Variants in ZNF668 observed in about 807,000 individuals in gnomAD.
ZNF668 encodes zinc finger protein 668.
ZNF668 carries 10 observed loss-of-function variants against 40.3 expected under a neutral mutation model. That is an observed-to-expected ratio of 0.25 (90% CI 0.15 to 0.42). The LOEUF (loss-of-function observed/expected upper bound fraction) is 0.42, where lower values mean the gene tolerates loss of function less well. ZNF668 is among the 10% of genes least tolerant of loss of function. The probability of loss-of-function intolerance (pLI) is 1.00; values close to 1 mark genes in which losing one functional copy is unlikely to be tolerated. For missense variants in ZNF668, 749 were observed against 904.6 expected, an observed-to-expected ratio of 0.83 and a Z score of 2.21; for synonymous variants, 428 against 384.6, an observed-to-expected ratio of 1.11 and a Z score of -1.32.
chr16:31,062,756 T>TC (rs1449476472), intron 2 of ZNF668: 18 of 71,006 alleles, frequency 2.5e-4, no homozygotes, highest in African/African-American at 1.0e-3. Context: ...AGAGCGAGAC[T>TC]CCGTCTCAAA....
chr16:31,068,220 T>TTAAAAAAAA (rs1555498568), intron 1 of ZNF668, among the ~76,000 whole-genome samples: 6 of 9,380 alleles, frequency 6.4e-4, no homozygotes, highest in African/African-American at 1.7e-3. Context: ...ATCCCACCAT[T>TTAAAAAAAA]AAAAAAAAAA....
chr16:31,063,713 T>C, intron 2 of ZNF668, 100 bp downstream of exon 2: 9 of 1,314,700 alleles, frequency 6.8e-6, no homozygotes, highest in Non-Finnish European at 9.1e-6. Flanking sequence ...CACCTTCCCA[T>C]TGGCTCACTT....
rs757530776 is a variant in ZNF668 at position 31,061,917 on chromosome 16, C to T, written c.1011G>A (p.Lys337=). The change falls in exon 3 of 3, where the codon AAG becomes AAA. Residue 337 remains lysine (K), a synonymous_variant. Transcript: ENST00000300849. This position sits in a 1 kb window ranked among gnomAD's most constrained non-coding sequence, Gnocchi z 7.7. ...RRVHTGDRPF[K]CLQCDKTFVA... ...CGAACGTCTTGTCACATTGCAGGCACTTGAACGGCCGGTCGCCTGTGTGCA... is the reference window on the plus strand; with the variant it reads ...CGAACGTCTTGTCACATTGCAGGCATTTGAACGGCCGGTCGCCTGTGTGCA... 3 of 1,613,436 alleles carry T rather than the reference C, an allele frequency of 1.9e-6. No homozygotes were observed. In the East Asian group the frequency reaches 6.7e-5, roughly 36 times the overall value.
At position 31,062,265 on chromosome 16, in the gene ZNF668, C is replaced by G; in HGVS notation, c.663G>C (p.Glu221Asp). Residue 221 changes from glutamate (E) to aspartate (D), a missense_variant, in exon 3 of 3, where the codon GAG becomes GAC. Physicochemically the swap from Glu to Asp is conservative, Grantham distance 45. This residue lies in a region of ZNF668 where 129 missense variants were observed against 231.2 expected (regional missense o/e 0.56). Coordinates refer to ENST00000300849, the MANE Select transcript of ZNF668 (RefSeq NM_024706.5). Reference protein sequence around the residue: ...LRNHERSHTGERPFLCSECGK... With the variant: ...LRNHERSHTGDRPFLCSECGK... ...CGCACTCGGAGCAGAGGAAGGGGCG[C>G]TCGCCGGTGTGGGACCTGCGGGGGT... The G allele has an allele frequency of 1.1e-5, 17 of 1,604,466 alleles. No individual in the cohort carries two copies. The highest frequency in any genetic ancestry group is 1.4e-5 in the Non-Finnish European group (16 of 1,175,366).
Position 31,061,789 on chromosome 16 carries a change from G to C in ZNF668, c.1139C>G (p.Thr380Arg). Residue 380 changes from threonine (T) to arginine (R), a missense_variant, in exon 3 of 3, where the codon ACG (threonine) becomes AGG (arginine). By Grantham distance (71) the Thr-to-Arg change is moderately conservative. Around this residue, in one of 4 missense-constraint regions of ZNF668, gnomAD observed 310 missense variants for 355.1 expected, o/e 0.87. Coordinates refer to ENST00000300849, the MANE Select transcript of ZNF668 (RefSeq NM_024706.5). This position sits in a 1 kb window ranked among gnomAD's most constrained non-coding sequence, Gnocchi z 7.7. ...CCCCGAGTGCACCCGGCTATGCTTC[G>C]TGAGGCTGGCACGCTCGGCGAAGGC... ...GRAFAERASL[T>R]KHSRVHSGER... The C allele has an allele frequency of 1.2e-6, 2 of 1,611,646 alleles. No individual in the cohort carries two copies. The highest frequency in any genetic ancestry group is 1.7e-6 in the Non-Finnish European group (2 of 1,179,574).
In ZNF668 at chr16:31,061,860, C is replaced by A; in HGVS notation, c.1068G>T (p.Leu356=). 1 of 1,612,828 alleles carries A rather than the reference C, an allele frequency of 6.2e-7. No homozygotes were observed. The highest frequency in any genetic ancestry group is 1.1e-5 in the South Asian group (1 of 91,020). ...GGAAGGGCCGCTGGCCAGAGTGCACCAGCGCGTGCCGCTTGAGGTCCCAGG... is the reference window on the plus strand; with the variant it reads ...GGAAGGGCCGCTGGCCAGAGTGCACAAGCGCGTGCCGCTTGAGGTCCCAGG... ...VASWDLKRHA[L]VHSGQRPFRC... The change falls in exon 3 of 3, where the codon CTG becomes CTT. Residue 356 remains leucine, a synonymous_variant. Coordinates refer to ENST00000300849, the MANE Select transcript of ZNF668 (RefSeq NM_024706.5). This position sits in a 1 kb window ranked among gnomAD's most constrained non-coding sequence, Gnocchi z 7.7.
Position 31,061,319 on chromosome 16 carries a change from A to C in ZNF668, c.1609T>G (p.Ser537Ala). 6.3e-7 allele frequency: 1 copy of C among 1,591,120 alleles called. No homozygotes were observed. The highest frequency in any genetic ancestry group is 8.6e-7 in the Non-Finnish European group (1 of 1,167,328). The change falls in exon 3 of 3, where the codon TCA becomes GCA. Residue 537 changes from serine to alanine, a missense_variant. Physicochemically the swap from Ser to Ala is moderately conservative, Grantham distance 99. Coordinates refer to ENST00000300849, the MANE Select transcript of ZNF668 (RefSeq NM_024706.5). This position sits in a 1 kb window ranked among gnomAD's most constrained non-coding sequence, Gnocchi z 7.7. ...TMTLLRRHER[S>A]HPELRPFPCT... Reference sequence around the variant, plus strand: ...GGGAAGGGCCGGAGCTCCGGGTGTGAGCGCTCGTGCCGACGCAGCAGCGTC... The same window carrying C: ...GGGAAGGGCCGGAGCTCCGGGTGTGCGCGCTCGTGCCGACGCAGCAGCGTC...
Position 31,064,174 on chromosome 16 carries a change from C to T in ZNF668, c.286G>A (p.Ala96Thr), listed in dbSNP as rs1032081153. 6.2e-7 allele frequency: 1 copy of T among 1,610,908 alleles called. No individual in the cohort carries two copies. The highest frequency in any genetic ancestry group is 8.5e-7 in the Non-Finnish European group (1 of 1,179,758). ...CGCCCGTGGCTGCGCAGCTCGGGTGCCGTCTTGTAGGCCTTGGGGCATAGC... is the reference window on the plus strand; with the variant it reads ...CGCCCGTGGCTGCGCAGCTCGGGTGTCGTCTTGTAGGCCTTGGGGCATAGC... Reference protein sequence around the residue: ...CPLCPKAYKTAPELRSHGRSH... With the variant: ...CPLCPKAYKTTPELRSHGRSH... Residue 96 changes from alanine to threonine, a missense_variant, in exon 2 of 3, where the codon GCA (alanine) becomes ACA (threonine). Transcript: ENST00000300849.
In ZNF668 at chr16:31,061,636, CCCA is replaced by C. The variant is rs1567397810; in HGVS notation, c.1289_1291del (p.Val430del). On this transcript the variant is annotated inframe_deletion, in exon 3 of 3. Coordinates refer to ENST00000300849, the MANE Select transcript of ZNF668 (RefSeq NM_024706.5). The surrounding 1 kb of genome is among the most constrained non-coding windows in gnomAD (Gnocchi z 7.7). ...TGCCACGCCCACAGGCAGCGCCAAC[CCCA>C]CCACCAGCTCCTGTGCAGGGGGCAC... The C allele has an allele frequency of 6.2e-7, 1 of 1,612,162 alleles. No individual in the cohort carries two copies. Among genetic ancestry groups the C allele is most frequent in the Admixed American group, 1.7e-5 (1 of 60,026 alleles).
Position 31,064,166 on chromosome 16 carries a change from C to G in ZNF668, c.294G>C (p.Glu98Asp), listed in dbSNP as rs772002428. 13 of 1,610,214 alleles carry G rather than the reference C, an allele frequency of 8.1e-6. No individual in the cohort carries two copies. Among genetic ancestry groups the G allele is most frequent in the Non-Finnish European group, 1.1e-5 (13 of 1,179,596 alleles). The change falls in exon 2 of 3, where the codon GAG (glutamate) becomes GAC (aspartate). Residue 98 changes from glutamate (E) to aspartate (D), a missense_variant. Coordinates refer to ENST00000300849, the MANE Select transcript of ZNF668 (RefSeq NM_024706.5). Reference sequence around the variant, plus strand: ...TGTGGCTGCGCCCGTGGCTGCGCAGCTCGGGTGCCGTCTTGTAGGCCTTGG... The same window carrying G: ...TGTGGCTGCGCCCGTGGCTGCGCAGGTCGGGTGCCGTCTTGTAGGCCTTGG... ...LCPKAYKTAP[E>D]LRSHGRSHTG...
At position 31,061,741 on chromosome 16, in the gene ZNF668, G is replaced by A; in HGVS notation, c.1187C>T (p.Ala396Val). The change falls in exon 3 of 3, where the codon GCA becomes GTA. Residue 396 changes from alanine to valine, a missense_variant. Coordinates refer to ENST00000300849, the MANE Select transcript of ZNF668 (RefSeq NM_024706.5). The surrounding 1 kb of genome is among the most constrained non-coding windows in gnomAD (Gnocchi z 7.7). ...HSGERPFHCN[A>V]CGKSFVVSSS... ...CGACACCACAAAGGATTTCCCACATGCGTTACAGTGGAAGGGGCGCTCCCC... is the reference window on the plus strand; with the variant it reads ...CGACACCACAAAGGATTTCCCACATACGTTACAGTGGAAGGGGCGCTCCCC... The A allele has an allele frequency of 6.2e-7, 1 of 1,613,544 alleles. No homozygotes were observed. Among genetic ancestry groups the A allele is most frequent in the Non-Finnish European group, 8.5e-7 (1 of 1,179,908 alleles).
intron 1 of ZNF668, among the ~76,000 whole-genome samples, chr16:31,067,881 C>A (rs995544821): frequency 6.6e-6 from 1 of 152,124 alleles, no homozygotes; most frequent in African/African-American, 2.4e-5. Flanking sequence ...CCTCCGCCAG[C>A]CCCACAGTGA....
At chr16:31,069,836 A>G (rs1353582124) in intron 1 of ZNF668, among the ~76,000 whole-genome samples, 4 of 115,576 alleles carry the variant, frequency 3.5e-5, no homozygotes, top group Non-Finnish European at 4.9e-5. Flanking sequence ...GTGCAGTGGC[A>G]CAATCCTGGC....
At chr16:31,067,352 T>C (rs1355858882) in intron 1 of ZNF668, among the ~76,000 whole-genome samples, 1 of 152,202 alleles carries the variant, frequency 6.6e-6, no homozygotes, top group Non-Finnish European at 1.5e-5. Flanking sequence ...ATGAGGAAAG[T>C]TCTATTATTC....
In ZNF668 at chr16:31,060,873, G is replaced by C; in HGVS notation, c.*195C>G. On this transcript the variant is annotated 3_prime_UTR_variant, in exon 3 of 3. Transcript: ENST00000300849. ...GGTGCCAAAATGAAAGCTTTAATGA[G>C]TGTTACTCCTAGACAGTCACGTCTC... 1 of 551,330 alleles carries C rather than the reference G, an allele frequency of 1.8e-6. No homozygotes were observed. The allele number at this position is 551,330 out of a possible 1,614,324, so 34.2% of individuals were successfully genotyped here. A position where few individuals can be genotyped will look rare whatever the true frequency, so the allele number is the denominator to read the frequency against.
intron 1 of ZNF668, among the ~76,000 whole-genome samples, chr16:31,066,989 G>C (rs140985528): frequency 1.3e-5 from 2 of 151,980 alleles, no homozygotes; most frequent in Non-Finnish European, 2.9e-5. Flanking sequence ...AAGACAAGGC[G>C]GGTGGATCCC....
In ZNF668 at chr16:31,060,921, C is replaced by T; in HGVS notation, c.*147G>A. The T allele has an allele frequency of 9.9e-7, 1 of 1,012,394 alleles. No homozygotes were observed. The allele number at this position is 1,012,394 out of a possible 1,614,324, so 62.7% of individuals were successfully genotyped here. ...CTCAGCTTCTGCCAGCCTCCACTGTCCCAGCTCTCTTAGCTGGCCGACAGG... is the reference window on the plus strand; with the variant it reads ...CTCAGCTTCTGCCAGCCTCCACTGTTCCAGCTCTCTTAGCTGGCCGACAGG... On this transcript the variant is annotated 3_prime_UTR_variant, in exon 3 of 3. Coordinates refer to ENST00000300849, the MANE Select transcript of ZNF668 (RefSeq NM_024706.5).
chr16:31,061,050 G>A lies in ZNF668; in HGVS notation c.*18C>T, dbSNP rs770667314. The stretch of plus-strand genomic sequence containing the variant: ...GGGGGCTGGGCTCCCGGAGTGTGGT[G>A]CTGGGGGGTCATGGGCTTCAGGCCG... On this transcript the variant is annotated 3_prime_UTR_variant, in exon 3 of 3. Transcript: ENST00000300849. The surrounding 1 kb of genome is among the most constrained non-coding windows in gnomAD (Gnocchi z 7.7). The A allele has an allele frequency of 6.7e-7, 1 of 1,482,128 alleles. No individual in the cohort carries two copies. The highest frequency in any genetic ancestry group is 8.9e-7 in the Non-Finnish European group (1 of 1,118,368). The allele number at this position is 1,482,128 out of a possible 1,614,324, so 91.8% of individuals were successfully genotyped here. A position where few individuals can be genotyped will look rare whatever the true frequency, so the allele number is the denominator to read the frequency against.
rs376059649 is a variant in ZNF668, at chr16:31,070,170, G to A, written c.-23+3489C>T. Among the ~76,000 whole-genome samples the A allele has an allele frequency of 1.3e-4, 19 of 150,262 alleles. No homozygotes were observed. In the East Asian group the frequency reaches 1.6e-3, roughly 13 times the overall value. On this transcript the variant is annotated intron_variant, in intron 1 of 2. Transcript: ENST00000300849. ...ATTGACCTCGTGATCCGCCCGCCTC[G>A]GCCTCCCAGAGTGCTGGGATTACAG...
Sources: allele counts gnomAD v4.1 joint callset (sites outside exome capture counted in the v4.1 genomes callset), GRCh38; gene constraint gnomAD v4.1.1; regional missense constraint gnomAD v4.1.1; non-coding constraint Gnocchi (gnomAD v3.1); transcripts MANE v1.5; gene names NCBI Gene and HGNC (gene_info 2026-07-23, HGNC 2026-07-21).